Variants in RAPGEF5 observed in about 807,000 individuals in gnomAD.
RAPGEF5 encodes the protein Rap guanine nucleotide exchange factor 5.
Under a neutral mutation model 125.2 loss-of-function variants are expected in RAPGEF5, and 65 were observed. The ratio of observed to expected loss-of-function variants is 0.52; its 90% CI spans 0.43 to 0.64. RAPGEF5 has a LOEUF of 0.64. RAPGEF5 is among the 30% of genes least tolerant of loss of function. RAPGEF5 has a pLI of 0.00. For missense variants in RAPGEF5, 958 were observed against 1,048.1 expected (o/e 0.91, Z 1.19); for synonymous variants, 391 against 385.9 (o/e 1.01, Z -0.16).
In RAPGEF5 at chr7:22,183,246, G is replaced by A. The variant is rs534613308; in HGVS notation, c.1204+10121C>T. Among the ~76,000 whole-genome samples the A allele has an allele frequency of 6.1e-5, 7 of 114,106 alleles. No homozygotes were observed. The East Asian group carries it at 1.4e-3, about 23-fold the overall frequency. The allele number at this position is 114,106 out of a possible 152,430, so 74.9% of individuals were successfully genotyped here. On this transcript the variant is annotated intron_variant, in intron 11 of 25. Coordinates refer to ENST00000665637, the MANE Select transcript of RAPGEF5 (RefSeq NM_012294.5). ...ATGGTGCCATTGCACTCCAGCCTGGGTAACAGAGTGAGACTCCATCACAAA... is the reference window on the plus strand; with the variant it reads ...ATGGTGCCATTGCACTCCAGCCTGGATAACAGAGTGAGACTCCATCACAAA...
At chr7:22,225,903 T>C (rs1236597052) in intron 8 of RAPGEF5, among the ~76,000 whole-genome samples, 1 of 152,174 alleles carries the variant, frequency 6.6e-6, no homozygotes, top group African/African-American at 2.4e-5. Context: ...AGGAGAGAAA[T>C]GTTATGAATG....
At chr7:22,147,932 T>C (rs760533679) in intron 18 of RAPGEF5, among the ~76,000 whole-genome samples, 19 of 152,238 alleles carry the variant, frequency 1.2e-4, no homozygotes, top group African/African-American at 3.1e-4. Flanking sequence ...GTTATTTGCA[T>C]TTTAGAAGTT....
chr7:22,160,066 G>A (rs531384533), intron 14 of RAPGEF5, among the ~76,000 whole-genome samples: 7 of 152,224 alleles, frequency 4.6e-5, no homozygotes, highest in Admixed American at 3.3e-4. Flanking sequence ...CCGAGATTGC[G>A]CTGCTGCATT....
chr7:22,259,084 A>G (rs1583525391), intron 7 of RAPGEF5, among the ~76,000 whole-genome samples: 2 of 152,198 alleles, frequency 1.3e-5, no homozygotes, highest in African/African-American at 4.8e-5. Context: ...CAAGCTATGG[A>G]GAGAAAATAT....
intron 2 of RAPGEF5, 50 bp from the exon 3 acceptor site, chr7:22,315,526 T>A: frequency 8.0e-7 from 1 of 1,250,534 alleles, no homozygotes; most frequent in Non-Finnish European, 1.0e-6. Context: ...ATGTGACAAT[T>A]TGTGAACTAC....
At chr7:22,250,428 A>C (rs940261499) in intron 7 of RAPGEF5, among the ~76,000 whole-genome samples, 9 of 152,338 alleles carry the variant, frequency 5.9e-5, no homozygotes, top group Non-Finnish European at 1.0e-4. Context: ...ATTCAGCTGA[A>C]GCAAATTATG....
intron 11 of RAPGEF5, among the ~76,000 whole-genome samples, chr7:22,183,898 T>G (rs1784751428): frequency 6.6e-6 from 1 of 152,216 alleles, no homozygotes; most frequent in African/African-American, 2.4e-5. Flanking sequence ...ATTCTTATAG[T>G]CTGGAAGCTA....
intron 18 of RAPGEF5, among the ~76,000 whole-genome samples, chr7:22,148,266 G>C (rs952227048): frequency 2.0e-5 from 3 of 152,214 alleles, no homozygotes; most frequent in Non-Finnish European, 2.9e-5. Flanking sequence ...TAATAATTTG[G>C]AGGTGTCAGG....
At chr7:22,215,947 T>C (rs1280870049) in intron 9 of RAPGEF5, among the ~76,000 whole-genome samples, 1 of 152,190 alleles carries the variant, frequency 6.6e-6, no homozygotes, top group African/African-American at 2.4e-5. Flanking sequence ...CTTACATAGC[T>C]TTTTGGCAAA....
In RAPGEF5 at chr7:22,157,849, G is replaced by C. The variant is rs1428364587; in HGVS notation, c.1557+6C>G. On this transcript the variant is annotated splice_donor_region_variant and intron_variant, in intron 15 of 25. Transcript: ENST00000665637. ...CCTAATTTTAGGTATAGAAGCATCT[G>C]CTTACCTTTTTTTGTGGTGAATATT... 3.1e-6 allele frequency: 5 copies of C among 1,611,120 alleles called. No individual in the cohort carries two copies. Among genetic ancestry groups the C allele is most frequent in the African/African-American group, 1.3e-5 (1 of 74,838 alleles).
At chr7:22,298,332 C>T (rs1783114635) in intron 5 of RAPGEF5, among the ~76,000 whole-genome samples, 1 of 152,082 alleles carries the variant, frequency 6.6e-6, no homozygotes, top group Non-Finnish European at 1.5e-5. Context: ...CATGCACCAC[C>T]ACGCCTGGCT....
Position 22,252,398 on chromosome 7 carries a change from G to C in RAPGEF5, c.796+14566C>G, listed in dbSNP as rs1313224722. Among the ~76,000 whole-genome samples, 3 of 152,246 alleles carry C rather than the reference G, an allele frequency of 2.0e-5. No individual in the cohort carries two copies. The East Asian group carries it at 5.8e-4, about 29-fold the overall frequency. The stretch of plus-strand genomic sequence containing the variant: ...ACACAGCTTGACTGAAGTGCCCCAA[G>C]TATTTTTGAAAACCAAGACCTCAAA... On this transcript the variant is annotated intron_variant, in intron 7 of 25. Transcript: ENST00000665637.
At chr7:22,256,050 T>C (rs1786751970) in intron 7 of RAPGEF5, among the ~76,000 whole-genome samples, 1 of 152,176 alleles carries the variant, frequency 6.6e-6, no homozygotes, top group Non-Finnish European at 1.5e-5. Context: ...ACATTACTCT[T>C]GCCTGCCCAG....
At chr7:22,318,968 C>T (rs1308826526) in intron 1 of RAPGEF5, among the ~76,000 whole-genome samples, 2 of 152,146 alleles carry the variant, frequency 1.3e-5, no homozygotes, top group African/African-American at 2.4e-5. Flanking sequence ...CAATTGTGCA[C>T]AAAGATGTTT....
intron 8 of RAPGEF5, among the ~76,000 whole-genome samples, chr7:22,225,091 G>C (rs150841548): frequency 1.5e-3 from 227 of 152,266 alleles, no homozygotes; most frequent in African/African-American, 5.1e-3. Flanking sequence ...CCAGGAGTTA[G>C]AGGCTGCAGT....
intron 12 of RAPGEF5, among the ~76,000 whole-genome samples, chr7:22,164,826 T>A (rs6980127): frequency 6.9e-4 from 105 of 152,214 alleles, no homozygotes; most frequent in Non-Finnish European, 2.6e-4. Flanking sequence ...AATTTAATGC[T>A]CTTTATGATG....
At chr7:22,252,241 G>C (rs1786641736) in intron 7 of RAPGEF5, among the ~76,000 whole-genome samples, 1 of 152,182 alleles carries the variant, frequency 6.6e-6, no homozygotes, top group Non-Finnish European at 1.5e-5. Context: ...CACAAGACCA[G>C]ACAGTAACCT....
At chr7:22,260,120 G>A (rs1782114122) in intron 7 of RAPGEF5, among the ~76,000 whole-genome samples, 1 of 152,138 alleles carries the variant, frequency 6.6e-6, no homozygotes, top group Admixed American at 6.5e-5. Context: ...GTTGTAGTGG[G>A]TTAGAGGAAC....
intron 12 of RAPGEF5, among the ~76,000 whole-genome samples, chr7:22,165,785 T>C (rs1381533813): frequency 6.6e-6 from 1 of 152,054 alleles, no homozygotes; most frequent in Non-Finnish European, 1.5e-5. Context: ...AACAATTATT[T>C]AACAGAGAAA....
Sources: allele counts gnomAD v4.1 joint callset (sites outside exome capture counted in the v4.1 genomes callset), GRCh38; gene constraint gnomAD v4.1.1; transcripts MANE v1.5; gene names NCBI Gene and HGNC (gene_info 2026-07-23, HGNC 2026-07-21).